Variants in RNF24 observed in about 807,000 individuals in gnomAD.
The protein encoded by RNF24 is ring finger protein 24.
A neutral mutation model predicts 20.0 loss-of-function variants in RNF24; 14 were observed. That is an observed-to-expected ratio of 0.70 (90% confidence interval 0.46 to 1.10). RNF24 has a LOEUF of 1.10. RNF24 is among the 50% of genes least tolerant of loss of function. The pLI, the probability that RNF24 is intolerant of heterozygous loss-of-function variation, is 0.00. For synonymous variants in RNF24, 45 were observed against 61.1 expected (o/e 0.74, Z 1.23); for missense variants, 124 against 177.6 (o/e 0.70, Z 1.71).
At position 3,928,178 on chromosome 20, in the gene RNF24, T is replaced by C. The variant is rs2090754753; in HGVS notation, c.*5885A>G. The C allele has an allele frequency of 6.6e-6, 1 of 152,200 alleles. No individual in the cohort carries two copies. The allele number at this position is 152,200 out of a possible 1,614,324, so 9.4% of individuals were successfully genotyped here. On this transcript the variant is annotated 3_prime_UTR_variant, in exon 6 of 6. Coordinates refer to ENST00000358395, the MANE Select transcript of RNF24 (RefSeq NM_001134337.3). The stretch of plus-strand genomic sequence containing the variant: ...ATCTGCTTAAGAAATCTGTAACAGC[T>C]ACAGGAAAAGACACACCCAGGGCCA...
chr20:3,946,523 T>C (rs1214964339), intron 3 of RNF24, among the ~76,000 whole-genome samples: 1 of 151,816 alleles, frequency 6.6e-6, no homozygotes, highest in Non-Finnish European at 1.5e-5. Flanking sequence ...ACCCCATCTC[T>C]ACAAAAAGTA....
In RNF24 at chr20:3,932,110, A is replaced by T. The variant is rs909959710; in HGVS notation, c.*1953T>A. 1 of 152,196 alleles carries T rather than the reference A, an allele frequency of 6.6e-6. No homozygotes were observed. The highest frequency in any genetic ancestry group is 2.4e-5 in the African/African-American group (1 of 41,448). The allele number at this position is 152,196 out of a possible 1,614,324, so 9.4% of individuals were successfully genotyped here. On this transcript the variant is annotated 3_prime_UTR_variant, in exon 6 of 6. Transcript: ENST00000358395. The stretch of plus-strand genomic sequence containing the variant: ...ATTAGAGCCCCATAACAGAGGTGAC[A>T]TCTGTCCCAAGGCCATTCCATGGAA...
intron 1 of RNF24, among the ~76,000 whole-genome samples, chr20:3,975,399 T>C (rs142952884): frequency 6.6e-6 from 1 of 152,254 alleles, no homozygotes; most frequent in African/African-American, 2.4e-5. Flanking sequence ...GAAAAATTGA[T>C]ACACTGGACT....
At chr20:4,005,694 G>A (rs1981811022) in intron 1 of RNF24, among the ~76,000 whole-genome samples, 1 of 151,956 alleles carries the variant, frequency 6.6e-6, no homozygotes, top group African/African-American at 2.4e-5. Flanking sequence ...CTCAGATTTG[G>A]GAAGGAACAA....
chr20:4,009,968 T>C (rs1196485529), intron 1 of RNF24, among the ~76,000 whole-genome samples: 1 of 151,840 alleles, frequency 6.6e-6, no homozygotes, highest in Non-Finnish European at 1.5e-5. Context: ...GGAGAATCGC[T>C]TGAACCTGGG....
chr20:3,950,609 G>A (rs2146966080), intron 2 of RNF24, among the ~76,000 whole-genome samples: 1 of 152,276 alleles, frequency 6.6e-6, no homozygotes, highest in South Asian at 2.1e-4. Context: ...AGCAACCAAT[G>A]TACCTTGTGT....
chr20:3,940,974 G>A (rs1254677490), intron 4 of RNF24, among the ~76,000 whole-genome samples: 1 of 152,202 alleles, frequency 6.6e-6, no homozygotes, highest in East Asian at 1.9e-4. Flanking sequence ...GGAATGCATA[G>A]CAACAGAAAT....
At chr20:3,936,923 G>A (rs1246886324) in intron 4 of RNF24, among the ~76,000 whole-genome samples, 4 of 152,072 alleles carry the variant, frequency 2.6e-5, no homozygotes, top group Admixed American at 6.6e-5. Flanking sequence ...CGCAACCTCC[G>A]CCTCCTGGGT....
chr20:4,009,382 C>T (rs1468803798), intron 1 of RNF24, among the ~76,000 whole-genome samples: 3 of 152,036 alleles, frequency 2.0e-5, no homozygotes. Context: ...TGGAGAGTTG[C>T]TGATGATGCA....
chr20:3,949,628 G>C (rs2091059454), intron 2 of RNF24, among the ~76,000 whole-genome samples: 1 of 152,052 alleles, frequency 6.6e-6, no homozygotes, highest in Non-Finnish European at 1.5e-5. Context: ...AGGCTGCAGT[G>C]AGCTGGGATT....
intron 1 of RNF24, among the ~76,000 whole-genome samples, chr20:4,004,641 G>GA (rs1981698864): frequency 1.3e-5 from 2 of 152,200 alleles, no homozygotes; most frequent in African/African-American, 4.8e-5. Context: ...GACAGAAGCA[G>GA]AGACTAGAAT....
chr20:3,962,488 T>C (rs947725988), intron 2 of RNF24, among the ~76,000 whole-genome samples: 1 of 152,134 alleles, frequency 6.6e-6, no homozygotes, highest in Non-Finnish European at 1.5e-5. Flanking sequence ...TACCTCATTT[T>C]TTTTTCTTTC....
intron 2 of RNF24, among the ~76,000 whole-genome samples, chr20:3,954,733 A>T (rs975910277): frequency 2.0e-5 from 3 of 151,906 alleles, no homozygotes; most frequent in Non-Finnish European, 4.4e-5. Context: ...CTCCGTCTCT[A>T]CTAAAAATAC....
chr20:3,992,245 T>G (rs1980508353), intron 1 of RNF24, among the ~76,000 whole-genome samples: 1 of 152,228 alleles, frequency 6.6e-6, no homozygotes, highest in South Asian at 2.1e-4. Flanking sequence ...TCTTTTGGTT[T>G]TGGCATTAGA....
intron 1 of RNF24, among the ~76,000 whole-genome samples, chr20:3,985,462 GT>G (rs1467575815): frequency 6.6e-6 from 1 of 151,760 alleles, no homozygotes; most frequent in Non-Finnish European, 1.5e-5. Context: ...TTCCAGCCCT[GT>G]TACTGACAAT....
chr20:3,944,069 G>T (rs1568618548), intron 4 of RNF24, among the ~76,000 whole-genome samples: 1 of 152,070 alleles, frequency 6.6e-6, no homozygotes, highest in Non-Finnish European at 1.5e-5. Flanking sequence ...AATTAGCTGG[G>T]TGTGGTGGCG....
At chr20:3,940,520 A>G (rs2090943236) in intron 4 of RNF24, among the ~76,000 whole-genome samples, 1 of 152,180 alleles carries the variant, frequency 6.6e-6, no homozygotes, top group Non-Finnish European at 1.5e-5. Flanking sequence ...CAGAAAAAAC[A>G]TTTATAGAAA....
At chr20:3,997,709 AG>A (rs781346280) in intron 1 of RNF24, among the ~76,000 whole-genome samples, 9 of 152,190 alleles carry the variant, frequency 5.9e-5, no homozygotes, top group Non-Finnish European at 1.3e-4. Flanking sequence ...TACGGATGTA[AG>A]CCACTGCACC....
At chr20:3,983,580 T>C (rs151147393) in intron 1 of RNF24, among the ~76,000 whole-genome samples, 1,537 of 152,236 alleles carry the variant, frequency 0.01, 16 homozygotes, top group African/African-American at 0.035. Flanking sequence ...AAATATACAC[T>C]AAGACAACTA....
Sources: allele counts gnomAD v4.1 joint callset (sites outside exome capture counted in the v4.1 genomes callset), GRCh38; gene constraint gnomAD v4.1.1; transcripts MANE v1.5; gene names NCBI Gene and HGNC (gene_info 2026-07-23, HGNC 2026-07-21).